PDLIM1: variants seen among roughly 807,000 people sequenced by gnomAD.
PDLIM1 encodes PDZ and LIM domain protein 1.
PDLIM1 carries 25 observed loss-of-function variants against 35.2 expected under a neutral mutation model. That is an observed-to-expected ratio of 0.71 (90% CI 0.52 to 0.99). The LOEUF (loss-of-function observed/expected upper bound fraction) is 0.99, where lower values mean the gene tolerates loss of function less well. Ranked by LOEUF, PDLIM1 falls within the 50% of genes least tolerant of loss-of-function variation. PDLIM1 has a pLI of 0.00. For synonymous variants in PDLIM1, 152 were observed against 154.0 expected (o/e 0.99, Z 0.10); for missense variants, 363 against 415.3 (o/e 0.87, Z 1.09).
intron 4 of PDLIM1, 31 bp downstream of exon 4, chr10:95,263,833 C>T (rs1337045703): frequency 6.4e-6 from 10 of 1,552,132 alleles, no homozygotes; most frequent in Admixed American, 1.8e-5. Flanking sequence ...CTCCCAGGAG[C>T]GGCTCAGAGG....
At chr10:95,260,993 T>A (rs1365537561) in intron 4 of PDLIM1, among the ~76,000 whole-genome samples, 1 of 152,192 alleles carries the variant, frequency 6.6e-6, no homozygotes, top group Non-Finnish European at 1.5e-5. Context: ...TTTCCCACTG[T>A]TTCTGGGTTC....
chr10:95,238,892 A>G (rs2035150401), intron 5 of PDLIM1: 1 of 478,080 alleles, frequency 2.1e-6, no homozygotes, highest in South Asian at 3.2e-5. Flanking sequence ...CTGGCCAAAG[A>G]AAAGCCCAAA....
chr10:95,255,637 T>C (rs557174657), intron 4 of PDLIM1, among the ~76,000 whole-genome samples: 1 of 152,182 alleles, frequency 6.6e-6, no homozygotes, highest in South Asian at 2.1e-4. Flanking sequence ...TACCTCCACA[T>C]AATAAAGTCC....
chr10:95,285,111 T>C (rs1378170646), intron 1 of PDLIM1, among the ~76,000 whole-genome samples: 2 of 152,214 alleles, frequency 1.3e-5, no homozygotes, highest in Non-Finnish European at 2.9e-5. Context: ...AGCAGGTCTT[T>C]CTCTAGCCAG....
intron 4 of PDLIM1, among the ~76,000 whole-genome samples, chr10:95,261,489 T>C (rs2035361901): frequency 6.6e-6 from 1 of 152,162 alleles, no homozygotes; most frequent in Admixed American, 6.5e-5. Flanking sequence ...GGGACCAGTA[T>C]GACACCGTTT....
In PDLIM1 at chr10:95,257,053, T is replaced by A. The variant is rs144972272; in HGVS notation, c.533+6811A>T. On this transcript the variant is annotated intron_variant, in intron 4 of 6. Transcript: ENST00000329399. Reference sequence around the variant, plus strand: ...AAGAAAGAAAGAATTCAAAATAGATTAAAGACCAACATAAGACCAGAAACT... The same window carrying A: ...AAGAAAGAAAGAATTCAAAATAGATAAAAGACCAACATAAGACCAGAAACT... Among the ~76,000 whole-genome samples, 12 of 100,342 alleles carry A rather than the reference T, an allele frequency of 1.2e-4. No homozygotes were observed. The East Asian group carries it at 2.9e-3, about 24-fold the overall frequency. The allele number at this position is 100,342 out of a possible 152,430, so 65.8% of individuals were successfully genotyped here.
chr10:95,247,890 G>T (rs980476750), intron 4 of PDLIM1, among the ~76,000 whole-genome samples: 4 of 152,256 alleles, frequency 2.6e-5, no homozygotes, highest in Non-Finnish European at 4.4e-5. Flanking sequence ...CTATAACACA[G>T]AGGTAACAGT....
At chr10:95,274,260 A>G (rs979851675) in intron 1 of PDLIM1, among the ~76,000 whole-genome samples, 4 of 139,878 alleles carry the variant, frequency 2.9e-5, no homozygotes, top group African/African-American at 5.4e-5. Flanking sequence ...GCCTTCCTTC[A>G]CCTCCAATCT....
At chr10:95,255,939 T>C (rs1166433931) in intron 4 of PDLIM1, among the ~76,000 whole-genome samples, 3 of 76,624 alleles carry the variant, frequency 3.9e-5, no homozygotes, top group Admixed American at 1.3e-4. Flanking sequence ...ACACACACAA[T>C]TGGAACTAAT....
At chr10:95,257,038 G>GAAAGAAAGAAAAGAAAGAGAAAAAT (rs1440640324) in intron 4 of PDLIM1, among the ~76,000 whole-genome samples, 1 of 129,774 alleles carries the variant, frequency 7.7e-6, no homozygotes, top group African/African-American at 3.0e-5. Context: ...AAGAAAGAAA[G>GAAAGAAAGAAAAGAAAGAGAAAAAT]AATTCAAAAT....
intron 4 of PDLIM1, among the ~76,000 whole-genome samples, chr10:95,251,140 C>A (rs2035264306): frequency 6.6e-6 from 1 of 152,130 alleles, no homozygotes; most frequent in South Asian, 2.1e-4. Flanking sequence ...AAGCAGTACG[C>A]CCATGGCTCT....
intron 3 of PDLIM1, among the ~76,000 whole-genome samples, chr10:95,266,648 A>AG (rs779338500): frequency 2.0e-5 from 3 of 152,186 alleles, no homozygotes. Context: ...ATATTCAACC[A>AG]GGGTCTGTTC....
intron 4 of PDLIM1, among the ~76,000 whole-genome samples, chr10:95,247,857 G>C (rs1451501622): frequency 6.6e-6 from 1 of 152,196 alleles, no homozygotes; most frequent in African/African-American, 2.4e-5. Flanking sequence ...GATTCTCAAG[G>C]CCAGGCACTT....
intron 5 of PDLIM1, among the ~76,000 whole-genome samples, chr10:95,239,956 A>G (rs1208612220): frequency 1.3e-5 from 2 of 152,230 alleles, no homozygotes; most frequent in Non-Finnish European, 2.9e-5. Context: ...GACTCACGCC[A>G]GTCTGAATGG....
intron 1 of PDLIM1, among the ~76,000 whole-genome samples, chr10:95,275,331 C>T (rs1050730155): frequency 2.6e-5 from 4 of 152,196 alleles, no homozygotes; most frequent in African/African-American, 9.6e-5. Context: ...TTCCATTTAG[C>T]CAGCTCTACG....
At chr10:95,264,803 T>TA (rs992702613) in intron 3 of PDLIM1, among the ~76,000 whole-genome samples, 2 of 152,170 alleles carry the variant, frequency 1.3e-5, no homozygotes, top group African/African-American at 4.8e-5. Context: ...CTAGACTTGT[T>TA]AAGAGTCAGG....
intron 5 of PDLIM1, among the ~76,000 whole-genome samples, chr10:95,246,664 T>A (rs950200928): frequency 6.6e-6 from 1 of 152,186 alleles, no homozygotes; most frequent in Non-Finnish European, 1.5e-5. Flanking sequence ...CCTGGGAAGG[T>A]TGAGATTTGC....
chr10:95,284,497 G>T (rs1035218613), intron 1 of PDLIM1, among the ~76,000 whole-genome samples: 1 of 152,008 alleles, frequency 6.6e-6, no homozygotes, highest in Non-Finnish European at 1.5e-5. Context: ...GGAACTACAG[G>T]TGCCTGCCAC....
chr10:95,256,989 A>G (rs368588116), intron 4 of PDLIM1, among the ~76,000 whole-genome samples: 244 of 82,686 alleles, frequency 3.0e-3, no homozygotes, highest in Non-Finnish European at 5.2e-3. Context: ...AAAAAAAAAA[A>G]GAAAGAAAGA....
Sources: allele counts gnomAD v4.1 joint callset (sites outside exome capture counted in the v4.1 genomes callset), GRCh38; gene constraint gnomAD v4.1.1; transcripts MANE v1.5; gene names NCBI Gene and HGNC (gene_info 2026-07-23, HGNC 2026-07-21).